MYO18A: variants seen among roughly 807,000 people sequenced by gnomAD.
MYO18A encodes the protein myosin XVIIIA.
A neutral mutation model predicts 235.8 loss-of-function variants in MYO18A; 78 were observed. The ratio of observed to expected loss-of-function variants is 0.33; its 90% CI spans 0.28 to 0.40. MYO18A has a LOEUF of 0.40. MYO18A is among the 10% of genes least tolerant of loss of function. The pLI is 1.00. For synonymous variants in MYO18A, 977 were observed against 1,077.8 expected (o/e 0.91, Z 1.83); for missense variants, 2,215 against 2,699.3 (o/e 0.82, Z 3.98).
At chr17:29,115,183 T>A in intron 13 of MYO18A, 84 bp from the exon 14 acceptor site, 1 of 1,479,582 alleles carries the variant, frequency 6.8e-7, no homozygotes. Flanking sequence ...CAGACCTCTA[T>A]CCCTGCCCAG....
At position 29,090,082 on chromosome 17, in the gene MYO18A, C is replaced by T. The variant is rs746999460; in HGVS notation, c.5405G>A (p.Ser1802Asn). The change falls in exon 37 of 42, where the codon AGC becomes AAC. Residue 1802 changes from serine to asparagine, a missense_variant. Physicochemically the swap from Ser to Asn is conservative, Grantham distance 46. Coordinates refer to ENST00000527372, the MANE Select transcript of MYO18A (RefSeq NM_078471.4). ...ELQEKLQALQ[S>N]QVEFLEQSMV... ...GGACTGCTCCAGGAACTCCACCTGG[C>T]TCTGGAGGGCTTGTAGCTAGAGGTG... is the stretch of plus-strand genomic sequence containing the variant. 6.2e-7 allele frequency: 1 copy of T among 1,613,014 alleles called. No homozygotes were observed. Among genetic ancestry groups the T allele is most frequent in the Admixed American group, 1.7e-5 (1 of 59,842 alleles).
intron 2 of MYO18A, among the ~76,000 whole-genome samples, chr17:29,156,950 T>C (rs542817119): frequency 6.6e-6 from 1 of 152,366 alleles, no homozygotes; most frequent in African/African-American, 2.4e-5. Flanking sequence ...TGCCAGGCTG[T>C]GCTCCGCCAC....
intron 1 of MYO18A, among the ~76,000 whole-genome samples, chr17:29,178,864 C>T (rs1438013336): frequency 6.6e-6 from 1 of 152,256 alleles, no homozygotes; most frequent in Non-Finnish European, 1.5e-5. Flanking sequence ...CCGTCCTGCT[C>T]AGGTGATCTT....
In MYO18A at chr17:29,111,546, G is replaced by A. The variant is rs1364107628; in HGVS notation, c.2778C>T (p.His926=). 1 of 1,613,898 alleles carries A rather than the reference G, an allele frequency of 6.2e-7. No homozygotes were observed. The highest frequency in any genetic ancestry group is 8.5e-7 in the Non-Finnish European group (1 of 1,179,858). Residue 926 remains histidine, a synonymous_variant, in exon 17 of 42, where the codon CAC becomes CAT. Coordinates refer to ENST00000527372, the MANE Select transcript of MYO18A (RefSeq NM_078471.4). This position sits in a 1 kb window ranked among gnomAD's most constrained non-coding sequence, Gnocchi z 5.1. The part of the protein sequence containing the change: ...SPLLHSSKPH[H]FLLGHSHGTN... ...TGCCATGGCTGTGGCCCAGGAGAAA[G>A]TGGTGTGGTTTGCTGCTGTGCAGAA...
chr17:29,115,083 G>T lies in MYO18A; in HGVS notation c.2335C>A (p.Gln779Lys). The change falls in exon 14 of 42, where the codon CAG becomes AAG. Residue 779 changes from glutamine (Q) to lysine (K), a missense_variant. Transcript: ENST00000527372. The stretch of plus-strand genomic sequence containing the variant: ...ATCATCATGGAGCAGAGTGAGTGCT[G>T]GCTGGACTTGAGAGCCCTGGATAGG... The part of the protein sequence containing the change: ...SLVNRALKSS[Q>K]HSLCSMMIVD... 1 of 1,613,242 alleles carries T rather than the reference G, an allele frequency of 6.2e-7. No homozygotes were observed. The highest frequency in any genetic ancestry group is 8.5e-7 in the Non-Finnish European group (1 of 1,179,450).
In MYO18A at chr17:29,115,549, T is replaced by C. The variant is rs565798220; in HGVS notation, c.2228-108A>G. 1.6e-5 allele frequency: 23 copies of C among 1,470,888 alleles called. No individual in the cohort carries two copies. The African/African-American group carries it at 2.4e-4, about 15-fold the overall frequency. 91.1% of individuals were successfully genotyped at this position (1,470,888 alleles called of 1,614,324 possible). A position where few individuals can be genotyped will look rare whatever the true frequency, so the allele number is the denominator to read the frequency against. On this transcript the variant is annotated intron_variant, in intron 12 of 41. Coordinates refer to ENST00000527372, the MANE Select transcript of MYO18A (RefSeq NM_078471.4). The stretch of plus-strand genomic sequence containing the variant: ...TCAGCACGGGGCCTGGGGCAGGGCC[T>C]CTGCCACTGACAGAGCATCTGTTCA...
chr17:29,151,780 T>C (rs1382859580), intron 2 of MYO18A, among the ~76,000 whole-genome samples: 2 of 152,172 alleles, frequency 1.3e-5, no homozygotes, highest in Non-Finnish European at 2.9e-5. Context: ...ATGTTAGTAC[T>C]CCTATAGAAT....
At chr17:29,149,962 A>G (rs941835561) in intron 2 of MYO18A, among the ~76,000 whole-genome samples, 1 of 152,242 alleles carries the variant, frequency 6.6e-6, no homozygotes, top group Admixed American at 6.5e-5. Context: ...TCTCTTTTTC[A>G]TATAAATGAC....
Position 29,166,681 on chromosome 17 carries a change from C to A in MYO18A, c.260G>T (p.Arg87Leu). 1 of 1,613,686 alleles carries A rather than the reference C, an allele frequency of 6.2e-7. No homozygotes were observed. The highest frequency in any genetic ancestry group is 8.5e-7 in the Non-Finnish European group (1 of 1,179,774). ...GCCCGAGTCCAGGATGACGCTGCCC[C>A]GGTTACTATCGGAGTCAATGTCAGT... ...HLTDIDSDSN[R>L]GSVILDSGHL... The change falls in exon 2 of 42, where the codon CGG becomes CTG. Residue 87 changes from arginine to leucine, a missense_variant. Transcript: ENST00000527372.
Position 29,092,895 on chromosome 17 carries a change from C to G in MYO18A, c.5033G>C (p.Ser1678Thr). The G allele has an allele frequency of 1.2e-6, 2 of 1,613,956 alleles. No individual in the cohort carries two copies. The highest frequency in any genetic ancestry group is 1.3e-5 in the African/African-American group (1 of 75,040). ...GGCAATCTCTCGCTTGCTGGGAGCA[C>G]TGTTCTTCAGGTGGTCCAGCATGAG... Reference protein sequence around the residue: ...AQLMLDHLKNSAPSKREIAQL... With the variant: ...AQLMLDHLKNTAPSKREIAQL... Residue 1678 changes from serine to threonine, a missense_variant, in exon 33 of 42, where the codon AGT becomes ACT. Ser to Thr is a moderately conservative substitution (Grantham distance 58, BLOSUM62 1). Transcript: ENST00000527372.
intron 21 of MYO18A, among the ~76,000 whole-genome samples, chr17:29,101,462 T>C (rs2066650037): frequency 6.6e-6 from 1 of 152,110 alleles, no homozygotes; most frequent in Non-Finnish European, 1.5e-5. Flanking sequence ...CCCGTCACCA[T>C]GCCCAGATAC....
Position 29,073,726 on chromosome 17 carries a change from T to C in MYO18A, c.*1044A>G, listed in dbSNP as rs886318124. The C allele has an allele frequency of 4.0e-6, 4 of 991,724 alleles. No homozygotes were observed. Among genetic ancestry groups the C allele is most frequent in the African/African-American group, 3.2e-5 (2 of 61,690 alleles). The allele number at this position is 991,724 out of a possible 1,614,324, so 61.4% of individuals were successfully genotyped here. A position where few individuals can be genotyped will look rare whatever the true frequency, so the allele number is the denominator to read the frequency against. ...GACCTCCAGACCACATGGTGTTGTG[T>C]CTGGGATAAGTGTGTGGGGGCAGGG... On this transcript the variant is annotated 3_prime_UTR_variant, in exon 42 of 42. Coordinates refer to ENST00000527372, the MANE Select transcript of MYO18A (RefSeq NM_078471.4).
At chr17:29,076,784 G>A (rs1358987144) in intron 41 of MYO18A, 3 of 152,210 alleles carry the variant, frequency 2.0e-5, no homozygotes, top group Non-Finnish European at 4.4e-5. Flanking sequence ...GAATTTCTGG[G>A]CACTCAGGGC....
Position 29,114,032 on chromosome 17 carries a change from G to A in MYO18A, c.2577C>T (p.Asp859=), listed in dbSNP as rs766554457. The A allele has an allele frequency of 1.2e-6, 2 of 1,600,372 alleles. No homozygotes were observed. Among genetic ancestry groups the A allele is most frequent in the Non-Finnish European group, 1.7e-6 (2 of 1,173,884 alleles). ...PPTDDSVAAV[D]QASHQSLVRS... is the part of the protein sequence containing the mutation. The stretch of plus-strand genomic sequence containing the variant: ...CTACCAGGGACTGATGGGAGGCCTG[G>A]TCCACAGCAGCCACAGAGTCATCCG... The change falls in exon 15 of 42, where the codon GAC becomes GAT. Residue 859 remains aspartate, a synonymous_variant. Transcript: ENST00000527372.
chr17:29,093,949 C>A (rs768645201), intron 31 of MYO18A, 31 bp downstream of exon 31: 1 of 1,510,468 alleles, frequency 6.6e-7, no homozygotes, highest in East Asian at 2.4e-5. Flanking sequence ...CAGGTGTTTA[C>A]GCTGGACAGG....
In MYO18A at chr17:29,080,059, C is replaced by G. The variant is rs1056998277; in HGVS notation, c.6020+2257G>C. 13 of 985,818 alleles carry G rather than the reference C, an allele frequency of 1.3e-5. No homozygotes were observed. The African/African-American group carries it at 2.3e-4, about 17-fold the overall frequency. 61.1% of individuals were successfully genotyped at this position (985,818 alleles called of 1,614,324 possible). A position where few individuals can be genotyped will look rare whatever the true frequency, so the allele number is the denominator to read the frequency against. ...GGAGCTGGAGCTGCTCCTTCCGCTC[C>G]TTCGCCGGCTCCGGCTCTTCCGGCC... On this transcript the variant is annotated intron_variant, in intron 41 of 41. Coordinates refer to ENST00000527372, the MANE Select transcript of MYO18A (RefSeq NM_078471.4).
At chr17:29,135,441 T>C (rs1030281225) in intron 2 of MYO18A, among the ~76,000 whole-genome samples, 1 of 151,518 alleles carries the variant, frequency 6.6e-6, no homozygotes, top group Non-Finnish European at 1.5e-5. Context: ...TCATGAATAA[T>C]AGTTAAAAAT....
At position 29,080,344 on chromosome 17, in the gene MYO18A, G is replaced by A. The variant is rs567368046; in HGVS notation, c.6020+1972C>T. On this transcript the variant is annotated intron_variant, in intron 41 of 41. Coordinates refer to ENST00000527372, the MANE Select transcript of MYO18A (RefSeq NM_078471.4). ...GGAGCTGGGAGGCTCATCCACTGCC[G>A]AGGCAGAGCTGCGTGGCCGGGGTGG... The A allele has an allele frequency of 1.4e-5, 14 of 986,180 alleles. No homozygotes were observed. In the South Asian group the frequency reaches 5.2e-4, roughly 36 times the overall value. 61.1% of individuals were successfully genotyped at this position (986,180 alleles called of 1,614,324 possible). A position where few individuals can be genotyped will look rare whatever the true frequency, so the allele number is the denominator to read the frequency against.
intron 14 of MYO18A, among the ~76,000 whole-genome samples, chr17:29,114,581 G>C (rs562874219): frequency 6.6e-6 from 1 of 152,316 alleles, no homozygotes; most frequent in South Asian, 2.1e-4. Flanking sequence ...AAGGGAGACG[G>C]GAAGGCCAGG....
Sources: gnomAD v4.1 joint callset for allele counts (sites outside exome capture counted in the v4.1 genomes callset) on GRCh38, gnomAD v4.1.1 for gene constraint, Gnocchi (gnomAD v3.1) non-coding constraint, MANE v1.5 for transcripts, NCBI Gene and HGNC (gene_info 2026-07-23, HGNC 2026-07-21) for gene names.